The following TMEM132D variants were observed in gnomAD, a reference collection of about 807,000 sequenced individuals.
TMEM132D encodes transmembrane protein 132D.
TMEM132D carries 21 observed loss-of-function variants against 62.3 expected under a neutral mutation model. The observed-to-expected ratio is 0.34, with a 90% CI of 0.24 to 0.49. The LOEUF (loss-of-function observed/expected upper bound fraction) is 0.49. TMEM132D is among the 20% of genes least tolerant of loss of function. TMEM132D has a pLI of 0.99. For missense variants in TMEM132D, 1,346 were observed against 1,402.8 expected (o/e 0.96, Z 0.65); for synonymous variants, 621 against 575.6 (o/e 1.08, Z -1.13).
intron 4 of TMEM132D, among the ~76,000 whole-genome samples, chr12:129,306,729 T>A (rs906107965): frequency 6.6e-6 from 1 of 152,212 alleles, no homozygotes. Context: ...AGCATTTTTT[T>A]AAATACAAAG....
intron 2 of TMEM132D, among the ~76,000 whole-genome samples, chr12:129,605,732 A>AT (rs1878609084): frequency 6.6e-6 from 1 of 151,362 alleles, no homozygotes; most frequent in East Asian, 1.9e-4. Flanking sequence ...CTTGACAGTC[A>AT]TTTTTTCCAT....
In TMEM132D at chr12:129,461,631, T is replaced by G. The variant is rs1593020062; in HGVS notation, c.1115+69428A>C. 4.0e-5 allele frequency among the ~76,000 whole-genome samples: 6 copies of G among 151,372 alleles called. No homozygotes were observed. In the South Asian group the frequency reaches 1.3e-3, roughly 32 times the overall value. ...AGACTAGAGAAGCTGAACATATGAG[T>G]GAGCTCAGCTAAGAGACCAAGGAAA... is the stretch of plus-strand genomic sequence containing the variant. On this transcript the variant is annotated intron_variant, in intron 3 of 8. Coordinates refer to ENST00000422113, the MANE Select transcript of TMEM132D (RefSeq NM_133448.3).
At chr12:129,306,072 T>C (rs1446415983) in intron 4 of TMEM132D, among the ~76,000 whole-genome samples, 1 of 152,188 alleles carries the variant, frequency 6.6e-6, no homozygotes, top group Non-Finnish European at 1.5e-5. Flanking sequence ...AGTGGTTCTG[T>C]TGAGCCACTT....
chr12:129,380,192 A>T (rs1870897509), intron 3 of TMEM132D, among the ~76,000 whole-genome samples: 1 of 152,206 alleles, frequency 6.6e-6, no homozygotes. Flanking sequence ...AACTGCAATT[A>T]ATAAACACAG....
intron 5 of TMEM132D, among the ~76,000 whole-genome samples, chr12:129,091,593 C>A (rs941162425): frequency 5.9e-5 from 9 of 152,018 alleles, no homozygotes; most frequent in Admixed American, 2.6e-4. Context: ...CTCACCTGGG[C>A]TCTGGAGACC....
intron 5 of TMEM132D, among the ~76,000 whole-genome samples, chr12:129,123,749 T>G (rs1876132588): frequency 6.6e-6 from 1 of 152,184 alleles, no homozygotes; most frequent in Non-Finnish European, 1.5e-5. Flanking sequence ...CCTCATCCAG[T>G]CTGTTGGGAG....
rs974337284 is a variant in TMEM132D, at chr12:129,227,355, C to T, written c.1300-17692G>A. Among the ~76,000 whole-genome samples the T allele has an allele frequency of 6.3e-4, 82 of 130,798 alleles. 1 individual carries two copies. The highest frequency in any genetic ancestry group is 2.2e-3 in the African/African-American group (79 of 36,182). 85.8% of individuals were successfully genotyped at this position (130,798 alleles called of 152,430 possible). A position where few individuals can be genotyped will look rare whatever the true frequency, so the allele number is the denominator to read the frequency against. On this transcript the variant is annotated intron_variant, in intron 4 of 8. Transcript: ENST00000422113. ...GCAAGTCGGAGTTTTTCCGAAGACA[C>T]TTGATTATGTTATAAATCCCATGGG...
At chr12:129,208,959 CG>C (rs987728000) in intron 5 of TMEM132D, 11 of 152,232 alleles carry the variant, frequency 7.2e-5, no homozygotes, top group African/African-American at 2.7e-4. Context: ...GAGGGGTGAG[CG>C]CTGTTCATCC....
At chr12:129,709,326 G>A (rs1051669068) in intron 1 of TMEM132D, among the ~76,000 whole-genome samples, 2 of 152,196 alleles carry the variant, frequency 1.3e-5, no homozygotes, top group Non-Finnish European at 2.9e-5. Context: ...AATGTTGAGT[G>A]CAGTGCCAGC....
chr12:129,683,482 T>G (rs1228443962), intron 2 of TMEM132D, among the ~76,000 whole-genome samples: 1 of 152,212 alleles, frequency 6.6e-6, no homozygotes, highest in African/African-American at 2.4e-5. Flanking sequence ...AGCAATCTCA[T>G]AAAATTTCCC....
chr12:129,204,799 G>A (rs942157251), intron 5 of TMEM132D, among the ~76,000 whole-genome samples: 3 of 152,128 alleles, frequency 2.0e-5, no homozygotes, highest in Non-Finnish European at 4.4e-5. Context: ...CACCTACAAA[G>A]GGAACCCCAC....
At chr12:129,696,374 A>C (rs934029180) in intron 2 of TMEM132D, among the ~76,000 whole-genome samples, 1 of 152,200 alleles carries the variant, frequency 6.6e-6, no homozygotes, top group African/African-American at 2.4e-5. Context: ...GACCTCAGCA[A>C]AGTGCACATA....
At chr12:129,084,133 G>A (rs1390390708) in intron 6 of TMEM132D, among the ~76,000 whole-genome samples, 1 of 152,076 alleles carries the variant, frequency 6.6e-6, no homozygotes, top group African/African-American at 2.4e-5. Flanking sequence ...TAGCTCCTCT[G>A]GCTCTAGGTG....
At chr12:129,311,351 A>T (rs1881972969) in intron 4 of TMEM132D, among the ~76,000 whole-genome samples, 1 of 152,182 alleles carries the variant, frequency 6.6e-6, no homozygotes, top group Non-Finnish European at 1.5e-5. Flanking sequence ...ACTGAAAATT[A>T]GTAGCACATG....
At chr12:129,823,846 C>T (rs1872594463) in intron 1 of TMEM132D, among the ~76,000 whole-genome samples, 1 of 152,032 alleles carries the variant, frequency 6.6e-6, no homozygotes, top group South Asian at 2.1e-4. Context: ...AGCAGAGTGC[C>T]CAGATATTTG....
intron 4 of TMEM132D, among the ~76,000 whole-genome samples, chr12:129,327,673 C>T (rs1201949983): frequency 6.6e-6 from 1 of 152,200 alleles, no homozygotes; most frequent in Admixed American, 6.5e-5. Context: ...CTGACACCTT[C>T]CACTTATCTT....
chr12:129,119,690 C>T (rs1198170329), intron 5 of TMEM132D, among the ~76,000 whole-genome samples: 1 of 152,152 alleles, frequency 6.6e-6, no homozygotes, highest in Admixed American at 6.6e-5. Context: ...GTTTCTTCAT[C>T]CAACAAATGT....
intron 2 of TMEM132D, among the ~76,000 whole-genome samples, chr12:129,540,243 T>C (rs1184951978): frequency 6.6e-6 from 1 of 152,088 alleles, no homozygotes; most frequent in Admixed American, 6.5e-5. Flanking sequence ...TGCTAGCTAG[T>C]TCATGGGAGA....
chr12:129,859,899 A>G (rs1411041557), intron 1 of TMEM132D, among the ~76,000 whole-genome samples: 1 of 152,208 alleles, frequency 6.6e-6, no homozygotes, highest in Non-Finnish European at 1.5e-5. Context: ...CTCAGCTTGC[A>G]GACAGTCTAT....
Sources: gnomAD v4.1 joint callset for allele counts (sites outside exome capture counted in the v4.1 genomes callset) on GRCh38, gnomAD v4.1.1 for gene constraint, MANE v1.5 for transcripts, NCBI Gene and HGNC (gene_info 2026-07-23, HGNC 2026-07-21) for gene names.